PLAAT3: variants seen among roughly 807,000 people sequenced by gnomAD.
PLAAT3 encodes the protein Ca-independent phospholipase A1/2.
PLAAT3 carries 21 observed loss-of-function variants against 16.7 expected under a neutral mutation model. The ratio of observed to expected loss-of-function variants is 1.26; its 90% confidence interval spans 0.89 to 1.81. PLAAT3 has a LOEUF of 1.81. Among genes scored for constraint, PLAAT3 ranks in the 40% most tolerant of loss-of-function variants. PLAAT3 has a pLI of 0.00. For missense variants in PLAAT3, 219 were observed against 213.7 expected, an observed-to-expected ratio of 1.02 and a Z score of -0.16; for synonymous variants, 76 against 81.7, an observed-to-expected ratio of 0.93 and a Z score of 0.38.
chr11:63,589,598 T>C (rs1348176227), intron 4 of PLAAT3, among the ~76,000 whole-genome samples: 1 of 152,182 alleles, frequency 6.6e-6, no homozygotes, highest in Non-Finnish European at 1.5e-5. Context: ...AAGACAGTGC[T>C]GTTTATAAGC....
chr11:63,600,228 C>T (rs975876415), intron 2 of PLAAT3, among the ~76,000 whole-genome samples: 1 of 152,192 alleles, frequency 6.6e-6, no homozygotes, highest in African/African-American at 2.4e-5. Context: ...AGGGAACCTC[C>T]CACTTCGGCC....
At chr11:63,590,969 A>G (rs541334377) in intron 3 of PLAAT3, among the ~76,000 whole-genome samples, 1 of 152,344 alleles carries the variant, frequency 6.6e-6, no homozygotes, top group South Asian at 2.1e-4. Context: ...GTCCAGGTTC[A>G]ACATGAAGAC....
intron 2 of PLAAT3, among the ~76,000 whole-genome samples, chr11:63,606,586 A>G (rs1938571924): frequency 6.6e-6 from 1 of 152,126 alleles, no homozygotes; most frequent in African/African-American, 2.4e-5. Flanking sequence ...ACGGGGTGCA[A>G]TAGGAATTAG....
intron 4 of PLAAT3, among the ~76,000 whole-genome samples, chr11:63,581,875 G>T (rs1231847934): frequency 1.3e-5 from 2 of 152,142 alleles, no homozygotes; most frequent in Non-Finnish European, 2.9e-5. Context: ...TGAAATATTA[G>T]GGACTGGTTC....
At chr11:63,606,559 G>A (rs1160691704) in intron 2 of PLAAT3, among the ~76,000 whole-genome samples, 1 of 152,170 alleles carries the variant, frequency 6.6e-6, no homozygotes, top group African/African-American at 2.4e-5. Flanking sequence ...GGAGCTGAGC[G>A]CTGGTGGGGT....
chr11:63,602,149 G>A (rs1285958110), intron 2 of PLAAT3, among the ~76,000 whole-genome samples: 1 of 151,706 alleles, frequency 6.6e-6, no homozygotes, highest in African/African-American at 2.4e-5. Context: ...AATTAGCCAG[G>A]CGTGGTGGTG....
chr11:63,615,120 G>GTATATGTGTCTATA (rs1454346820), upstream of PLAAT3, among the ~76,000 whole-genome samples: 8 of 31,054 alleles, frequency 2.6e-4, 1 homozygote, highest in Non-Finnish European at 5.4e-4. Flanking sequence ...GTGTATATAT[G>GTATATGTGTCTATA]TGTGTATATA....
At position 63,575,569 on chromosome 11, in the gene PLAAT3, ATAG is replaced by A. The variant is rs1219208986; in HGVS notation, c.388-526_388-524del. Among the ~76,000 whole-genome samples, 9 of 152,338 alleles carry A rather than the reference ATAG, an allele frequency of 5.9e-5. No individual in the cohort carries two copies. In the East Asian group the frequency reaches 1.7e-3, roughly 29 times the overall value. On this transcript the variant is annotated intron_variant, in intron 4 of 4. Coordinates refer to ENST00000415826, the MANE Select transcript of PLAAT3 (RefSeq NM_001128203.2). ...TCTTAAATAAATGACTCAATTATAA[ATAG>A]TAGTGATGTTATGCTTAGAATTATT...
intron 2 of PLAAT3, among the ~76,000 whole-genome samples, chr11:63,608,011 C>G (rs1460892452): frequency 1.3e-5 from 2 of 151,940 alleles, no homozygotes; most frequent in Non-Finnish European, 2.9e-5. Flanking sequence ...ACAGTGAAAC[C>G]CCGTCTCTAC....
At chr11:63,608,659 T>C (rs2080903602) in intron 2 of PLAAT3, 1 of 152,202 alleles carries the variant, frequency 6.6e-6, no homozygotes, top group Non-Finnish European at 1.5e-5. Flanking sequence ...CTACGTGCCA[T>C]TTGTCTCATC....
chr11:63,592,484 CT>C (rs1299478340), intron 3 of PLAAT3, among the ~76,000 whole-genome samples: 1 of 152,250 alleles, frequency 6.6e-6, no homozygotes, highest in East Asian at 1.9e-4. Flanking sequence ...CCTAAAGTTC[CT>C]TCTTTTAAAA....
rs770794683 is a variant in PLAAT3 at position 63,590,329 on chromosome 11, G to A, written c.158C>T (p.Ala53Val). Residue 53 changes from alanine (A) to valine (V), a missense_variant, in exon 4 of 5, where the codon GCC (alanine) becomes GTC (valine). By Grantham distance (64) the Ala-to-Val change is moderately conservative. Coordinates refer to ENST00000415826, the MANE Select transcript of PLAAT3 (RefSeq NM_001128203.2). ...CTTCACGATGGCCTTGTCAGTCAGG[G>A]CGGACATGACACTGGCTGCACCAGC... ...AGAGAASVMS[A>V]LTDKAIVKKE... 6 of 1,613,830 alleles carry A rather than the reference G, an allele frequency of 3.7e-6. No individual in the cohort carries two copies. Among genetic ancestry groups the A allele is most frequent in the Non-Finnish European group, 5.1e-6 (6 of 1,179,824 alleles).
intron 2 of PLAAT3, among the ~76,000 whole-genome samples, chr11:63,613,422 A>AT (rs1465490870): frequency 8.8e-5 from 2 of 22,634 alleles, no homozygotes; most frequent in Non-Finnish European, 4.6e-4. Flanking sequence ...AAAAATAAAA[A>AT]TAAAAATAAA....
intron 4 of PLAAT3, among the ~76,000 whole-genome samples, chr11:63,582,496 T>C (rs979846461): frequency 2.0e-5 from 3 of 152,096 alleles, no homozygotes; most frequent in Non-Finnish European, 1.5e-5. Context: ...GTGGGAAGAA[T>C]TGACAACAGG....
intron 3 of PLAAT3, among the ~76,000 whole-genome samples, chr11:63,597,745 C>T (rs934563570): frequency 7.2e-5 from 11 of 152,086 alleles, no homozygotes; most frequent in African/African-American, 2.4e-4. Flanking sequence ...GGAGCAGCTG[C>T]AAATACAGAT....
intron 3 of PLAAT3, among the ~76,000 whole-genome samples, chr11:63,594,645 G>A (rs2134413456): frequency 6.6e-6 from 1 of 152,216 alleles, no homozygotes. Flanking sequence ...AGAAAGTGTG[G>A]GTATAGGGGA....
upstream of PLAAT3, chr11:63,616,254 C>G (rs1261128081): frequency 6.6e-6 from 1 of 152,036 alleles, no homozygotes; most frequent in African/African-American, 2.4e-5. Flanking sequence ...CCTGACACCC[C>G]CCTGTTCCCC....
At chr11:63,590,970 A>T (rs1351576237) in intron 3 of PLAAT3, among the ~76,000 whole-genome samples, 3 of 152,260 alleles carry the variant, frequency 2.0e-5, no homozygotes, top group Non-Finnish European at 4.4e-5. Flanking sequence ...TCCAGGTTCA[A>T]CATGAAGACC....
At chr11:63,601,164 C>T (rs933179628) in intron 2 of PLAAT3, among the ~76,000 whole-genome samples, 6 of 149,930 alleles carry the variant, frequency 4.0e-5, no homozygotes, top group East Asian at 2.0e-4. Flanking sequence ...ATGTCATTCT[C>T]CCACCTCAGC....
Sources: allele counts gnomAD v4.1 joint callset (sites outside exome capture counted in the v4.1 genomes callset), GRCh38; gene constraint gnomAD v4.1.1; transcripts MANE v1.5; gene names NCBI Gene and HGNC (gene_info 2026-07-23, HGNC 2026-07-21).